TMEM255A: variants seen among roughly 807,000 people sequenced by gnomAD.
TMEM255A encodes the protein transmembrane protein 255A, also known as family with sequence similarity 70, member A.
A neutral mutation model predicts 23.5 loss-of-function variants in TMEM255A; 14 were observed. That is an observed-to-expected ratio of 0.60 (90% CI 0.39 to 0.93). The LOEUF (loss-of-function observed/expected upper bound fraction) is 0.93. TMEM255A is among the 40% of genes least tolerant of loss of function. TMEM255A has a pLI of 0.00. For missense variants in TMEM255A, 233 were observed against 261.7 expected (o/e 0.89, Z 0.76); for synonymous variants, 104 against 100.3 (o/e 1.04, Z -0.22).
At chrX:120,303,559 C>T (rs1603404179) in intron 2 of TMEM255A, among the ~76,000 whole-genome samples, 1 of 110,479 alleles carries the variant, frequency 9.1e-6, no homozygotes, top group African/African-American at 3.3e-5. Context: ...TTCTAACTCC[C>T]AGGGTAGATT....
intron 4 of TMEM255A, 51 bp downstream of exon 4, chrX:120,291,200 G>A: frequency 1.0e-6 from 1 of 966,275 alleles, no homozygotes; most frequent in Non-Finnish European, 1.5e-6. Flanking sequence ...CATTCAGTGG[G>A]GCCTTGTTGT....
chrX:120,301,606 G>A (rs925610899), intron 2 of TMEM255A, among the ~76,000 whole-genome samples: 22 of 107,382 alleles, frequency 2.0e-4, no homozygotes, highest in African/African-American at 6.9e-4. Flanking sequence ...TTTCCCCTCA[G>A]GTGGATTCAA....
chrX:120,260,808 A>G lies in TMEM255A; in HGVS notation c.*62T>C. On this transcript the variant is annotated 3_prime_UTR_variant, in exon 9 of 9. Coordinates refer to ENST00000371369, the MANE Select transcript of TMEM255A (RefSeq NM_001104544.3). ...ACACTTTAAATTTTGTACCCTACACACTTCCACTGAAGCAGAAATACAAAA... is the reference window on the plus strand; with the variant it reads ...ACACTTTAAATTTTGTACCCTACACGCTTCCACTGAAGCAGAAATACAAAA... 8.5e-6 allele frequency: 10 copies of G among 1,182,643 alleles called. No homozygotes were observed. Among genetic ancestry groups the G allele is most frequent in the Non-Finnish European group, 1.0e-5 (9 of 882,985 alleles).
At chrX:120,279,002 T>G (rs1307592603) in intron 6 of TMEM255A, among the ~76,000 whole-genome samples, 1 of 112,037 alleles carries the variant, frequency 8.9e-6, no homozygotes, top group Non-Finnish European at 1.9e-5. Flanking sequence ...TGGTTAAACA[T>G]GCAGATTCCT....
intron 6 of TMEM255A, among the ~76,000 whole-genome samples, chrX:120,282,250 A>G (rs782137060): frequency 8.9e-6 from 1 of 111,766 alleles, no homozygotes; most frequent in South Asian, 3.8e-4. Flanking sequence ...TCGCCTCTTC[A>G]GTCTCAGCCT....
chrX:120,306,607 A>G (rs2058066820), intron 1 of TMEM255A, among the ~76,000 whole-genome samples: 1 of 112,227 alleles, frequency 8.9e-6, no homozygotes, highest in African/African-American at 3.2e-5. Flanking sequence ...TCTTTGTGAT[A>G]TGGAAGTGTC....
chrX:120,255,221 T>C (rs782235592), downstream of TMEM255A: 2 of 1,210,104 alleles, frequency 1.7e-6, no homozygotes, highest in African/African-American at 3.5e-5. Context: ...ATCTTTCCGA[T>C]AGATCAAGCA....
chrX:120,274,371 A>G (rs2057782064), intron 7 of TMEM255A, among the ~76,000 whole-genome samples: 1 of 111,982 alleles, frequency 8.9e-6, no homozygotes, highest in Non-Finnish European at 1.9e-5. Flanking sequence ...ACTAAATGCC[A>G]CTGAATTGTA....
the TMEM255A span, among the ~76,000 whole-genome samples, chrX:120,252,337 ATATG>A: frequency 9.0e-6 from 1 of 110,569 alleles, no homozygotes; most frequent in Non-Finnish European, 1.9e-5. Flanking sequence ...TCCATATATA[ATATG>A]TATGGATATT....
intron 8 of TMEM255A, among the ~76,000 whole-genome samples, 189 bp from the exon 9 acceptor site, chrX:120,261,217 T>G (rs2057677781): frequency 8.9e-6 from 1 of 111,952 alleles, no homozygotes; most frequent in Non-Finnish European, 1.9e-5. Flanking sequence ...ACAAGCCACC[T>G]GCAGAAATAG....
downstream of TMEM255A, chrX:120,257,396 A>T (rs2057645441): frequency 8.1e-6 from 1 of 123,293 alleles, no homozygotes; most frequent in Admixed American, 9.4e-5. Flanking sequence ...ATGCCGGCAG[A>T]GCTTCCAGAT....
At chrX:120,283,683 C>T (rs1268313009) in intron 6 of TMEM255A, among the ~76,000 whole-genome samples, 1 of 111,795 alleles carries the variant, frequency 8.9e-6, no homozygotes, top group African/African-American at 3.3e-5. Context: ...CTCACACATC[C>T]CTATTGATTC....
At chrX:120,278,934 G>A (rs939235714) in intron 6 of TMEM255A, among the ~76,000 whole-genome samples, 18 of 111,603 alleles carry the variant, frequency 1.6e-4, no homozygotes, top group Non-Finnish European at 3.0e-4. Context: ...TGCATTATTT[G>A]TGTGTGCCTG....
Position 120,259,711 on chromosome X carries a change from T to C in TMEM255A, c.*1159A>G, listed in dbSNP as rs1556016230. The C allele has an allele frequency of 1.8e-5, 2 of 112,375 alleles. No individual in the cohort carries two copies. The highest frequency in any genetic ancestry group is 6.5e-5 in the African/African-American group (2 of 30,812). 9.3% of individuals were successfully genotyped at this position (112,375 alleles called of 1,213,427 possible). On this transcript the variant is annotated 3_prime_UTR_variant, in exon 9 of 9. Coordinates refer to ENST00000371369, the MANE Select transcript of TMEM255A (RefSeq NM_001104544.3). ...TCATCAGGTTGATGGTTTAAAGCTA[T>C]GTGTAATTAAAAGAACTGTACAAAT...
At chrX:120,286,133 A>C (rs911148318) in intron 5 of TMEM255A, 6 of 257,210 alleles carry the variant, frequency 2.3e-5, no homozygotes, top group Middle Eastern at 2.5e-3. Flanking sequence ...TAAAAGAAAA[A>C]GGAGTCAAGT....
At chrX:120,279,223 C>T (rs892671969) in intron 6 of TMEM255A, among the ~76,000 whole-genome samples, 6 of 112,274 alleles carry the variant, frequency 5.3e-5, no homozygotes, top group Admixed American at 1.9e-4. Context: ...GATACTCCCA[C>T]ATCAGCCTCC....
chrX:120,304,400 T>C lies in TMEM255A; in HGVS notation c.150A>G (p.Ala50=). 4.1e-6 allele frequency: 5 copies of C among 1,210,926 alleles called. No homozygotes were observed. Among genetic ancestry groups the C allele is most frequent in the Non-Finnish European group, 5.6e-6 (5 of 894,879 alleles). The change falls in exon 2 of 9, where the codon GCA becomes GCG. Residue 50 remains alanine, a synonymous_variant. Coordinates refer to ENST00000371369, the MANE Select transcript of TMEM255A (RefSeq NM_001104544.3). Reference sequence around the variant, plus strand: ...CAGTCACATTCTGGGTCCTGGTGGTTGCAGCAAGGCCCACTGTGAGAATTA... The same window carrying C: ...CAGTCACATTCTGGGTCCTGGTGGTCGCAGCAAGGCCCACTGTGAGAATTA... ...SVLILTVGLA[A]TTRTQNVTVG...
chrX:120,275,147 G>T (rs782426625), intron 7 of TMEM255A, among the ~76,000 whole-genome samples: 1 of 112,314 alleles, frequency 8.9e-6, no homozygotes, highest in African/African-American at 3.2e-5. Context: ...TAACCTAAAA[G>T]CTTCCTCAAG....
At chrX:120,253,479 T>C in the TMEM255A span, 35 of 1,210,582 alleles carry the variant, frequency 2.9e-5, no homozygotes, top group Non-Finnish European at 3.8e-5. Context: ...GCTGAACTCC[T>C]TGAATGAGCA....
Sources: allele counts gnomAD v4.1 joint callset (sites outside exome capture counted in the v4.1 genomes callset), GRCh38; gene constraint gnomAD v4.1.1; transcripts MANE v1.5; gene names NCBI Gene and HGNC (gene_info 2026-07-23, HGNC 2026-07-21).